FAP: variants seen among roughly 807,000 people sequenced by gnomAD.
The protein encoded by FAP is prolyl endopeptidase FAP.
A neutral mutation model predicts 126.5 loss-of-function variants in FAP; 110 were observed. That is an observed-to-expected ratio of 0.87 (90% confidence interval 0.74 to 1.02). The LOEUF (loss-of-function observed/expected upper bound fraction) is 1.02, where lower values mean the gene tolerates loss of function less well. FAP is among the 50% of genes least tolerant of loss of function. FAP has a pLI of 0.00. For synonymous variants in FAP, 334 were observed against 297.3 expected, an observed-to-expected ratio of 1.12 and a Z score of -1.27; for missense variants, 919 against 909.2, an observed-to-expected ratio of 1.01 and a Z score of -0.14.
At chr2:162,196,168 C>CT (rs1329747506) in intron 16 of FAP, among the ~76,000 whole-genome samples, 1 of 152,156 alleles carries the variant, frequency 6.6e-6, no homozygotes, top group African/African-American at 2.4e-5. Context: ...AACCACACAG[C>CT]TTTACCACAT....
At chr2:162,239,715 G>GA (rs1047281861) in intron 2 of FAP, among the ~76,000 whole-genome samples, 1 of 151,920 alleles carries the variant, frequency 6.6e-6, no homozygotes, top group East Asian at 1.9e-4. Flanking sequence ...AGAAATTTTA[G>GA]AAAAAAAATA....
chr2:162,221,741 A>T (rs1395649149), intron 6 of FAP: 3 of 456,536 alleles, frequency 6.6e-6, no homozygotes, highest in Admixed American at 2.3e-5. Context: ...AAGGTATGAG[A>T]AAAGGCGAGG....
intron 16 of FAP, among the ~76,000 whole-genome samples, chr2:162,195,739 C>CTT (rs1388406876): frequency 6.6e-6 from 1 of 152,122 alleles, no homozygotes; most frequent in African/African-American, 2.4e-5. Context: ...CAAATTATTC[C>CTT]TTATTTGAAA....
chr2:162,209,506 G>A (rs965731494), intron 12 of FAP: 6 of 154,578 alleles, frequency 3.9e-5, no homozygotes, highest in African/African-American at 1.4e-4. Flanking sequence ...ATACATACAT[G>A]AAATTTAGTA....
intron 16 of FAP, chr2:162,198,298 C>G: frequency 7.8e-7 from 1 of 1,289,600 alleles, no homozygotes. Context: ...TGTTCATTCC[C>G]CTGGATGTGA....
intron 21 of FAP, chr2:162,175,176 C>T (rs1345901246): frequency 6.4e-6 from 3 of 466,752 alleles, no homozygotes; most frequent in Non-Finnish European, 7.8e-6. Flanking sequence ...ATTAGAAATA[C>T]TTGGTGTGCT....
At chr2:162,239,130 A>T (rs1436141634) in intron 2 of FAP, among the ~76,000 whole-genome samples, 13 of 152,024 alleles carry the variant, frequency 8.6e-5, no homozygotes, top group Non-Finnish European at 1.6e-4. Flanking sequence ...TGAACTTCCC[A>T]AACACTTTTC....
intron 24 of FAP, 65 bp from the exon 25 acceptor site, chr2:162,172,949 C>G (rs374681454): frequency 9.9e-5 from 132 of 1,332,628 alleles, no homozygotes; most frequent in Non-Finnish European, 1.4e-4. Flanking sequence ...TGACAATGTA[C>G]TGCCTGGAAA....
intron 2 of FAP, among the ~76,000 whole-genome samples, chr2:162,242,496 TA>T (rs1210766863): frequency 1.3e-5 from 2 of 152,270 alleles, no homozygotes; most frequent in East Asian, 1.9e-4. Flanking sequence ...TATTTAGTAA[TA>T]AAAAAAGTCC....
intron 12 of FAP, among the ~76,000 whole-genome samples, chr2:162,206,709 GC>G (rs1231505251): frequency 2.0e-5 from 3 of 152,104 alleles, no homozygotes; most frequent in Non-Finnish European, 4.4e-5. Flanking sequence ...CCTCTACAGA[GC>G]AAAACAAAAC....
At chr2:162,226,723 A>T (rs1425366070) in intron 2 of FAP, 102 bp from the exon 3 acceptor site, 1 of 625,952 alleles carries the variant, frequency 1.6e-6, no homozygotes, top group African/African-American at 1.9e-5. Context: ...TAGTAATAAG[A>T]TCTGCTGTTT....
At chr2:162,221,781 TCA>T in intron 6 of FAP, 1 of 455,898 alleles carries the variant, frequency 2.2e-6, no homozygotes, top group Middle Eastern at 3.3e-4. Flanking sequence ...GTTCATCTCC[TCA>T]GTTTTGCCTA....
intron 14 of FAP, among the ~76,000 whole-genome samples, chr2:162,201,648 C>T (rs1477772324): frequency 6.6e-6 from 1 of 152,122 alleles, no homozygotes; most frequent in Non-Finnish European, 1.5e-5. Flanking sequence ...GACAGTCTCC[C>T]TTCACCAGTC....
intron 21 of FAP, among the ~76,000 whole-genome samples, chr2:162,182,452 C>T (rs1687724347): frequency 6.6e-6 from 1 of 152,126 alleles, no homozygotes; most frequent in Non-Finnish European, 1.5e-5. Context: ...AGATATTTAA[C>T]ATTTGATAGT....
chr2:162,215,107 T>C (rs1356258206), intron 10 of FAP, among the ~76,000 whole-genome samples: 2 of 152,194 alleles, frequency 1.3e-5, no homozygotes, highest in Non-Finnish European at 2.9e-5. Context: ...TTCAAAAATA[T>C]AAAGTCATGT....
chr2:162,233,033 C>A (rs982261668), intron 2 of FAP, among the ~76,000 whole-genome samples: 1 of 152,144 alleles, frequency 6.6e-6, no homozygotes, highest in Non-Finnish European at 1.5e-5. Context: ...AAGGTTTCTA[C>A]TACATATCCC....
chr2:162,210,001 A>G lies in FAP; in HGVS notation c.1003-5T>C, dbSNP rs1271628418. On this transcript the variant is annotated splice_region_variant and splice_polypyrimidine_tract_variant and intron_variant, in intron 11 of 25. Transcript: ENST00000188790. ...TTCTTCTATATGCTCCTGGGTCTAA[A>G]AGACAAAAGATCACATCGAACATAG... 2.5e-6 allele frequency: 4 copies of G among 1,612,054 alleles called. No individual in the cohort carries two copies. Among genetic ancestry groups the G allele is most frequent in the Admixed American group, 1.7e-5 (1 of 59,998 alleles).
chr2:162,214,165 C>A, intron 10 of FAP, 92 bp from the exon 11 acceptor site: 2 of 1,077,620 alleles, frequency 1.9e-6, no homozygotes, highest in South Asian at 1.9e-5. Flanking sequence ...GGATATATGT[C>A]ATTATTATAC....
At chr2:162,227,331 CACAA>C (rs1689698070) in intron 2 of FAP, among the ~76,000 whole-genome samples, 1 of 152,020 alleles carries the variant, frequency 6.6e-6, no homozygotes, top group Non-Finnish European at 1.5e-5. Context: ...GCTCACAAAC[CACAA>C]ACAAATTCAA....
Sources: allele counts gnomAD v4.1 joint callset (sites outside exome capture counted in the v4.1 genomes callset), GRCh38; gene constraint gnomAD v4.1.1; transcripts MANE v1.5; gene names NCBI Gene and HGNC (gene_info 2026-07-23, HGNC 2026-07-21).